ACOT1: variants seen among roughly 807,000 people sequenced by gnomAD.
The protein encoded by ACOT1 is acyl-CoA thioesterase 1.
In ACOT1, 8 loss-of-function variants were observed where a neutral mutation model predicts 15.7. The observed-to-expected ratio is 0.51, with a 90% CI of 0.30 to 0.92. The LOEUF (loss-of-function observed/expected upper bound fraction) is 0.92, where lower values mean the gene tolerates loss of function less well. Among genes scored for constraint, ACOT1 ranks in the 40% least tolerant of loss-of-function variants. ACOT1 has a pLI of 0.06. For synonymous variants in ACOT1, 67 were observed against 241.2 expected (o/e 0.28, Z 6.69); for missense variants, 151 against 539.4 (o/e 0.28, Z 7.13).
chr14:73,523,045 G>A, the ACOT1 span: 2 of 1,614,110 alleles, frequency 1.2e-6, no homozygotes, highest in African/African-American at 2.7e-5. Flanking sequence ...ACTCCTCCTT[G>A]CCTTTCAATT....
chr14:73,530,140 C>CTT, the ACOT1 span: 64,487 of 124,284 alleles, frequency 0.52, 21,222 homozygotes, highest in East Asian at 0.81. Context: ...TGTTTTAAAA[C>CTT]TTTTTTTGTA....
chr14:73,540,742 CTTTTTTT>C (rs200357086), intron 1 of ACOT1, among the ~76,000 whole-genome samples: 1 of 81,222 alleles, frequency 1.2e-5, no homozygotes, highest in Non-Finnish European at 2.6e-5. Flanking sequence ...TGTTTGCATT[CTTTTTTT>C]TTTTTTTTTT....
At chr14:73,509,627 T>G in the ACOT1 span, among the ~76,000 whole-genome samples, 6 of 151,618 alleles carry the variant, frequency 4.0e-5, no homozygotes, top group African/African-American at 1.5e-4. Flanking sequence ...GCCCTTCAGA[T>G]GGGCAGGATT....
chr14:73,509,897 GGAGTC>G, the ACOT1 span, among the ~76,000 whole-genome samples: 1 of 126,514 alleles, frequency 7.9e-6, no homozygotes, highest in Non-Finnish European at 1.6e-5. Flanking sequence ...TTTTTGAGAC[GGAGTC>G]TTGTTCTGTC....
At chr14:73,519,313 G>A in the ACOT1 span, 1 of 633,204 alleles carries the variant, frequency 1.6e-6, no homozygotes, top group East Asian at 2.7e-5. Context: ...GGCATCCCTT[G>A]AAGGTGACCA....
chr14:73,542,316 T>C lies in ACOT1; in HGVS notation c.660+621T>C, dbSNP rs1889114367. ...CCTGGCCTCTTATAGACAGTTTCTA[T>C]TCAATTCTATATTACTATATTTCCT... On this transcript the variant is annotated intron_variant, in intron 2 of 2. Transcript: ENST00000311148. 2.7e-5 allele frequency among the ~76,000 whole-genome samples: 3 copies of C among 110,904 alleles called. 1 individual carries two copies. Among genetic ancestry groups the C allele is most frequent in the Non-Finnish European group, 5.8e-5 (3 of 51,996 alleles). The allele number at this position is 110,904 out of a possible 152,430, so 72.8% of individuals were successfully genotyped here.
the ACOT1 span, among the ~76,000 whole-genome samples, chr14:73,495,007 TA>T: frequency 0.019 from 2,918 of 151,956 alleles, 106 homozygotes; most frequent in African/African-American, 0.066. Flanking sequence ...CAAATAGAGA[TA>T]ACTTTTTTTT....
At chr14:73,506,365 GT>G in the ACOT1 span, 1 of 758,594 alleles carries the variant, frequency 1.3e-6, no homozygotes. Context: ...ACAGAGATCT[GT>G]TTGGTAAGAA....
chr14:73,524,182 C>G, the ACOT1 span, among the ~76,000 whole-genome samples: 1 of 150,444 alleles, frequency 6.6e-6, no homozygotes, highest in South Asian at 2.1e-4. Context: ...ATCCCAGCTA[C>G]TTGGGAGATT....
chr14:73,522,372 G>C, the ACOT1 span: 1 of 1,614,242 alleles, frequency 6.2e-7, no homozygotes, highest in Non-Finnish European at 8.5e-7. Flanking sequence ...GCCTCCAGCT[G>C]TTTCAGGAGC....
At chr14:73,520,671 A>G in the ACOT1 span, 37 of 579,746 alleles carry the variant, frequency 6.4e-5, no homozygotes, top group South Asian at 6.8e-4. Flanking sequence ...TTCCCTCCCT[A>G]TTAGTTATCA....
chr14:73,519,592 A>C, the ACOT1 span, among the ~76,000 whole-genome samples: 2 of 152,132 alleles, frequency 1.3e-5, no homozygotes, highest in South Asian at 4.1e-4. Context: ...AAAAAATACA[A>C]AAATTAGCTG....
chr14:73,504,799 G>T, the ACOT1 span, among the ~76,000 whole-genome samples: 3 of 152,224 alleles, frequency 2.0e-5, no homozygotes, highest in African/African-American at 7.2e-5. Flanking sequence ...AGGAAAAGAT[G>T]AAGTAGCACA....
chr14:73,508,218 C>T, the ACOT1 span: 1 of 1,613,960 alleles, frequency 6.2e-7, no homozygotes, highest in Non-Finnish European at 8.5e-7. Context: ...GGTGGAGGAT[C>T]CTCTTAATCA....
chr14:73,509,846 ATATATATATATATATATATATATT>A, the ACOT1 span, among the ~76,000 whole-genome samples: 700 of 65,526 alleles, frequency 0.011, 39 homozygotes, highest in African/African-American at 0.035. Flanking sequence ...ATATATATAT[ATATATATATATATATATATATATT>A]TATTTATTTT....
chr14:73,520,844 T>C, the ACOT1 span: 15 of 1,612,190 alleles, frequency 9.3e-6, no homozygotes, highest in Admixed American at 5.0e-5. Flanking sequence ...GGGGCCCAGC[T>C]CTATTACCAA....
the ACOT1 span, among the ~76,000 whole-genome samples, chr14:73,519,747 A>G: frequency 6.6e-6 from 1 of 151,504 alleles, no homozygotes; most frequent in Non-Finnish European, 1.5e-5. Flanking sequence ...GCTGGGCACC[A>G]TGGCTCACGC....
chr14:73,522,455 C>T, the ACOT1 span: 3 of 1,614,216 alleles, frequency 1.9e-6, no homozygotes, highest in Non-Finnish European at 2.5e-6. Flanking sequence ...GAAGCTCTGC[C>T]ACTTGTTGGG....
chr14:73,491,570 C>T, the ACOT1 span: 1 of 1,541,744 alleles, frequency 6.5e-7, no homozygotes, highest in Non-Finnish European at 8.7e-7. Context: ...GGACTCCCCG[C>T]TGCGGCGCGT....
Sources: allele counts gnomAD v4.1 joint callset (sites outside exome capture counted in the v4.1 genomes callset), GRCh38; gene constraint gnomAD v4.1.1; transcripts MANE v1.5; gene names NCBI Gene and HGNC (gene_info 2026-07-23, HGNC 2026-07-21).